Variants in LRPPRC observed in about 807,000 individuals in gnomAD.
LRPPRC encodes leucine rich pentatricopeptide repeat containing.
In LRPPRC, 120 loss-of-function variants were observed where a neutral mutation model predicts 180.3. The observed-to-expected ratio is 0.67, with a 90% confidence interval of 0.57 to 0.77. The LOEUF (loss-of-function observed/expected upper bound fraction) is 0.77. LRPPRC is among the 30% of genes least tolerant of loss of function. LRPPRC has a pLI of 0.00. For missense variants in LRPPRC, 2,012 were observed against 1,657.2 expected, an observed-to-expected ratio of 1.21 and a Z score of -3.72; for synonymous variants, 723 against 600.0, an observed-to-expected ratio of 1.21 and a Z score of -3.00.
intron 23 of LRPPRC, 58 bp from the exon 24 acceptor site, chr2:43,934,936 A>G: frequency 6.9e-7 from 1 of 1,447,234 alleles, no homozygotes; most frequent in East Asian, 2.3e-5. Context: ...TTAGTCTCTT[A>G]GTAATACTTT....
At chr2:43,930,398 G>A (rs999689653) in intron 25 of LRPPRC, among the ~76,000 whole-genome samples, 2 of 152,138 alleles carry the variant, frequency 1.3e-5, no homozygotes, top group Non-Finnish European at 1.5e-5. Flanking sequence ...ACTACTATAC[G>A]TTGAGTATCC....
At chr2:43,980,422 G>A (rs1299617864) in intron 2 of LRPPRC, among the ~76,000 whole-genome samples, 1 of 151,948 alleles carries the variant, frequency 6.6e-6, no homozygotes, top group African/African-American at 2.4e-5. Context: ...GCGAGATGGC[G>A]CATGCCTGTA....
chr2:43,972,723 G>A (rs144911554), intron 11 of LRPPRC, among the ~76,000 whole-genome samples: 2 of 152,232 alleles, frequency 1.3e-5, no homozygotes, highest in East Asian at 1.9e-4. Context: ...ACCAGAAGAC[G>A]GCTGTACATT....
rs1321056327 is a variant in LRPPRC at position 43,899,215 on chromosome 2, T to C, written c.3825+4A>G. ...CCACTGCTCCATGAGTGGAGGGTCATTACCTGTAGGAGAGCTCTGGCATCA... is the reference window on the plus strand; with the variant it reads ...CCACTGCTCCATGAGTGGAGGGTCACTACCTGTAGGAGAGCTCTGGCATCA... On this transcript the variant is annotated splice_donor_region_variant and intron_variant, in intron 34 of 37. Transcript: ENST00000260665. 2 of 1,606,736 alleles carry C rather than the reference T, an allele frequency of 1.2e-6. No homozygotes were observed. Among genetic ancestry groups the C allele is most frequent in the Non-Finnish European group, 8.5e-7 (1 of 1,173,380 alleles).
intron 36 of LRPPRC, among the ~76,000 whole-genome samples, chr2:43,891,307 A>G (rs1254693787): frequency 6.6e-6 from 1 of 152,216 alleles, no homozygotes; most frequent in Non-Finnish European, 1.5e-5. Context: ...TATGCGCTTG[A>G]CACTATTTCA....
intron 11 of LRPPRC, among the ~76,000 whole-genome samples, chr2:43,969,423 A>T (rs998235059): frequency 1.3e-5 from 2 of 151,896 alleles, no homozygotes; most frequent in Non-Finnish European, 2.9e-5. Context: ...AAAAAAAAAA[A>T]AGAAACCAAG....
intron 14 of LRPPRC, among the ~76,000 whole-genome samples, chr2:43,956,478 C>CGTGTGTGTGT (rs56919652): frequency 0.068 from 9,704 of 142,454 alleles, 456 homozygotes; most frequent in African/African-American, 0.12. Context: ...AAGAAAAAAA[C>CGTGTGTGTGT]GTGTGTGTGT....
intron 18 of LRPPRC, 105 bp from the exon 19 acceptor site, chr2:43,947,880 T>C: frequency 1.3e-6 from 1 of 775,664 alleles, no homozygotes; most frequent in Non-Finnish European, 2.3e-6. Context: ...TTACTACTTT[T>C]CATCTTTCCA....
intron 19 of LRPPRC, 27 bp downstream of exon 19, chr2:43,947,704 G>A (rs768480572): frequency 5.9e-6 from 8 of 1,346,956 alleles, no homozygotes; most frequent in South Asian, 2.3e-5. Flanking sequence ...ATTATAGCAT[G>A]TAGAATCTAG....
intron 27 of LRPPRC, among the ~76,000 whole-genome samples, chr2:43,919,893 GACA>G (rs769898287): frequency 2.1e-4 from 32 of 151,880 alleles, no homozygotes; most frequent in Admixed American, 7.9e-4. Context: ...AAATGTTCCA[GACA>G]ACATGAATAC....
intron 11 of LRPPRC, among the ~76,000 whole-genome samples, chr2:43,968,091 T>A (rs1673638439): frequency 6.6e-6 from 1 of 151,668 alleles, no homozygotes; most frequent in Admixed American, 6.6e-5. Context: ...GATACTCTGG[T>A]GAAATGACAA....
At chr2:43,996,035 C>T (rs1271114230), upstream of LRPPRC, 1 of 1,378,688 alleles carries the variant, frequency 7.3e-7, no homozygotes, top group African/African-American at 1.5e-5. Context: ...GCGGCAGAGA[C>T]CAACTGCCGG....
At chr2:43,888,720 A>T in intron 37 of LRPPRC, 64 bp from the exon 38 acceptor site, 1 of 881,432 alleles carries the variant, frequency 1.1e-6, no homozygotes, top group Middle Eastern at 2.1e-4. Flanking sequence ...ACATAACTTA[A>T]AAAATCATAA....
rs751337601 is a variant in LRPPRC, at chr2:43,899,206, G to A, written c.3825+13C>T. 6.3e-7 allele frequency: 1 copy of A among 1,586,200 alleles called. No individual in the cohort carries two copies. The highest frequency in any genetic ancestry group is 8.7e-7 in the Non-Finnish European group (1 of 1,154,782). On this transcript the variant is annotated intron_variant, in intron 34 of 37. Transcript: ENST00000260665. The stretch of plus-strand genomic sequence containing the variant: ...CCTCGAGCCCCACTGCTCCATGAGT[G>A]GAGGGTCATTACCTGTAGGAGAGCT...
At chr2:43,901,668 T>C (rs1020518770) in intron 31 of LRPPRC, 144 bp from the exon 32 acceptor site, 2 of 661,842 alleles carry the variant, frequency 3.0e-6, no homozygotes, top group East Asian at 2.7e-5. Flanking sequence ...CAGAAAATTA[T>C]TAATACTTCA....
rs863225443 is a variant in LRPPRC at position 43,896,633 on chromosome 2, C to A, written c.3900+1G>T. 3 of 1,600,482 alleles carry A rather than the reference C, an allele frequency of 1.9e-6. No homozygotes were observed. In the South Asian group the frequency reaches 3.3e-5, roughly 18 times the overall value. On this transcript the variant is annotated splice_donor_variant, in intron 35 of 37. Transcript: ENST00000260665. LOFTEE classifies it high-confidence loss of function. Reference sequence around the variant, plus strand: ...ATTTGTAAGCAGGTAAAGCACAGTACCTTTCCTTGTTTCCTAGAATTCCTA... The same window carrying A: ...ATTTGTAAGCAGGTAAAGCACAGTAACTTTCCTTGTTTCCTAGAATTCCTA...
At chr2:43,932,159 G>T (rs1672115632) in intron 25 of LRPPRC, among the ~76,000 whole-genome samples, 1 of 101,104 alleles carries the variant, frequency 9.9e-6, no homozygotes, top group Admixed American at 1.0e-4. Flanking sequence ...AAAAAGACTG[G>T]AGACTGTCAA....
rs191218582 is a variant in LRPPRC at position 43,974,067 on chromosome 2, A to G, written c.1155+83T>C. The G allele has an allele frequency of 3.1e-5, 43 of 1,386,234 alleles. No homozygotes were observed. The East Asian group carries it at 7.8e-4, about 25-fold the overall frequency. The allele number at this position is 1,386,234 out of a possible 1,614,324, so 85.9% of individuals were successfully genotyped here. A position where few individuals can be genotyped will look rare whatever the true frequency, so the allele number is the denominator to read the frequency against. On this transcript the variant is annotated intron_variant, in intron 9 of 37. Coordinates refer to ENST00000260665, the MANE Select transcript of LRPPRC (RefSeq NM_133259.4). ...TTGTTATGATGTTTACAACTGGTCT[A>G]ATCTTATAAATGTTCCTATACTTTA... is the stretch of plus-strand genomic sequence containing the variant.
intron 23 of LRPPRC, among the ~76,000 whole-genome samples, chr2:43,942,051 G>C (rs140180743): frequency 1.3e-5 from 2 of 152,130 alleles, no homozygotes; most frequent in East Asian, 3.9e-4. Flanking sequence ...GATGCTCTAG[G>C]TTAACATTTG....
Sources: allele counts gnomAD v4.1 joint callset (sites outside exome capture counted in the v4.1 genomes callset), GRCh38; gene constraint gnomAD v4.1.1; transcripts MANE v1.5; gene names NCBI Gene and HGNC (gene_info 2026-07-23, HGNC 2026-07-21).